The following PTPRD variants were observed in gnomAD, a reference collection of about 807,000 sequenced individuals.
PTPRD encodes receptor-type tyrosine-protein phosphatase delta.
In PTPRD, 34 loss-of-function variants were observed where a neutral mutation model predicts 214.5. The ratio of observed to expected loss-of-function variants is 0.16; its 90% CI spans 0.12 to 0.21. PTPRD has a LOEUF of 0.21. Among genes scored for constraint, PTPRD ranks in the 10% least tolerant of loss-of-function variants. The probability of loss-of-function intolerance (pLI) is 1.00; values close to 1 mark genes in which losing one functional copy is unlikely to be tolerated. For missense variants in PTPRD, 2,545 were observed against 2,398.7 expected, an observed-to-expected ratio of 1.06 and a Z score of -1.27; for synonymous variants, 1,128 against 845.7, an observed-to-expected ratio of 1.33 and a Z score of -5.79.
chr9:10,553,706 T>C (rs2061850558), intron 2 of PTPRD, among the ~76,000 whole-genome samples: 1 of 152,184 alleles, frequency 6.6e-6, no homozygotes, highest in Admixed American at 6.5e-5. Context: ...AATATATATG[T>C]ATACACACAT....
chr9:8,970,850 C>T (rs944041731), intron 11 of PTPRD, among the ~76,000 whole-genome samples: 1 of 151,596 alleles, frequency 6.6e-6, no homozygotes, highest in South Asian at 2.1e-4. Flanking sequence ...CATCTGAAGA[C>T]ATACTTCTGA....
At chr9:10,134,813 C>T (rs71501054) in intron 3 of PTPRD, among the ~76,000 whole-genome samples, 14,323 of 152,174 alleles carry the variant, frequency 0.094, 759 homozygotes, top group African/African-American at 0.13. Flanking sequence ...TTCAAAAAGT[C>T]AGCATCTTCT....
chr9:8,378,424 GA>G (rs546137821), intron 37 of PTPRD, among the ~76,000 whole-genome samples: 115 of 137,840 alleles, frequency 8.3e-4, no homozygotes, highest in African/African-American at 2.6e-3. Flanking sequence ...ATATAGATGA[GA>G]AAAAAAAAAT....
At chr9:9,785,791 G>T (rs757726214) in intron 5 of PTPRD, among the ~76,000 whole-genome samples, 1 of 151,940 alleles carries the variant, frequency 6.6e-6, no homozygotes, top group Non-Finnish European at 1.5e-5. Context: ...TTTTACAATG[G>T]CTATGTCAGT....
At chr9:10,538,100 C>G (rs1019300497) in intron 2 of PTPRD, among the ~76,000 whole-genome samples, 2 of 152,036 alleles carry the variant, frequency 1.3e-5, no homozygotes, top group East Asian at 3.9e-4. Flanking sequence ...AATTGCTTAA[C>G]TCTGATTGGC....
At chr9:10,357,323 GA>G (rs1202125771) in intron 2 of PTPRD, among the ~76,000 whole-genome samples, 1 of 152,074 alleles carries the variant, frequency 6.6e-6, no homozygotes, top group Admixed American at 6.5e-5. Context: ...CTCTTTACTA[GA>G]AAAAACTATT....
At chr9:8,628,404 A>G (rs2096123076) in intron 14 of PTPRD, among the ~76,000 whole-genome samples, 1 of 151,760 alleles carries the variant, frequency 6.6e-6, no homozygotes, top group South Asian at 2.1e-4. Context: ...AAACATTTCT[A>G]TTTCCCATTG....
intron 11 of PTPRD, among the ~76,000 whole-genome samples, chr9:9,009,934 G>T (rs1253350384): frequency 6.6e-6 from 1 of 152,082 alleles, no homozygotes; most frequent in African/African-American, 2.4e-5. Flanking sequence ...TCTACGGAGG[G>T]ATCCTGAGTA....
chr9:8,722,566 G>A (rs2098512572), intron 12 of PTPRD, among the ~76,000 whole-genome samples: 2 of 151,766 alleles, frequency 1.3e-5, no homozygotes, highest in African/African-American at 2.4e-5. Flanking sequence ...AATCTATATA[G>A]GGACTTCAAC....
chr9:9,038,368 G>T (rs1009651109), intron 10 of PTPRD, among the ~76,000 whole-genome samples: 3 of 151,960 alleles, frequency 2.0e-5, no homozygotes, highest in African/African-American at 7.3e-5. Context: ...ACTTTCTTCA[G>T]CAAAATTCCC....
chr9:9,629,836 C>A (rs1198936680), intron 7 of PTPRD, among the ~76,000 whole-genome samples: 1 of 152,138 alleles, frequency 6.6e-6, no homozygotes, highest in Non-Finnish European at 1.5e-5. Flanking sequence ...GAAGGAAAAA[C>A]CAGCACTGTA....
chr9:9,001,359 ACT>A (rs926197935), intron 11 of PTPRD, among the ~76,000 whole-genome samples: 2 of 151,924 alleles, frequency 1.3e-5, no homozygotes, highest in African/African-American at 4.8e-5. Flanking sequence ...GGGAACCAAG[ACT>A]CTGACAGATT....
At chr9:10,348,518 C>T (rs10959064) in intron 2 of PTPRD, among the ~76,000 whole-genome samples, 19,630 of 152,120 alleles carry the variant, frequency 0.13, 1,719 homozygotes, top group Admixed American at 0.25. Context: ...GATGCAGCCT[C>T]TGAATTCTTC....
In PTPRD at chr9:10,102,140, TC is replaced by T. The variant is rs561151822; in HGVS notation, c.-544-68351del. On this transcript the variant is annotated intron_variant, in intron 3 of 45. Transcript: ENST00000381196. ...TTGAGAGCTTTTATAAATCGGTTGTTCCCCCACATTGATTACATGACCAGTT... is the reference window on the plus strand; with the variant it reads ...TTGAGAGCTTTTATAAATCGGTTGTTCCCCACATTGATTACATGACCAGTT... 1.2e-3 allele frequency among the ~76,000 whole-genome samples: 182 copies of T among 151,810 alleles called. 2 individuals carry two copies. Among genetic ancestry groups the T allele is most frequent in the Admixed American group, 5.1e-3 (77 of 15,180 alleles).
chr9:8,877,536 C>G (rs556055305), intron 11 of PTPRD, among the ~76,000 whole-genome samples: 1 of 152,000 alleles, frequency 6.6e-6, no homozygotes, highest in Non-Finnish European at 1.5e-5. Flanking sequence ...AGCATATTAT[C>G]TTTTTGTTAT....
intron 6 of PTPRD, among the ~76,000 whole-genome samples, chr9:9,751,146 T>A (rs1316749029): frequency 2.0e-5 from 3 of 151,894 alleles, no homozygotes; most frequent in African/African-American, 4.8e-5. Flanking sequence ...TCCTAGGTGC[T>A]ATTTTTAAAT....
At chr9:10,236,934 G>C (rs949859575) in intron 3 of PTPRD, among the ~76,000 whole-genome samples, 1 of 151,716 alleles carries the variant, frequency 6.6e-6, no homozygotes, top group Non-Finnish European at 1.5e-5. Flanking sequence ...TGGTGGGGGG[G>C]CTGAAAAGAT....
At chr9:10,090,915 AAT>A (rs34109963) in intron 3 of PTPRD, among the ~76,000 whole-genome samples, 40,303 of 119,464 alleles carry the variant, frequency 0.34, 6,311 homozygotes, top group East Asian at 0.54. Context: ...ATATAAATGA[AAT>A]ATACACACAC....
At chr9:10,034,049 T>C (rs1262638340) in intron 3 of PTPRD, among the ~76,000 whole-genome samples, 2 of 152,118 alleles carry the variant, frequency 1.3e-5, no homozygotes, top group Non-Finnish European at 2.9e-5. Context: ...AAAATGGCTA[T>C]ACTGCCCAAA....
Sources: gnomAD v4.1 joint callset for allele counts (sites outside exome capture counted in the v4.1 genomes callset) on GRCh38, gnomAD v4.1.1 for gene constraint, MANE v1.5 for transcripts, NCBI Gene and HGNC (gene_info 2026-07-23, HGNC 2026-07-21) for gene names.